CTNNA3: variants seen among roughly 807,000 people sequenced by gnomAD.
The protein encoded by CTNNA3 is catenin alpha-3.
CTNNA3 carries 76 observed loss-of-function variants against 95.7 expected under a neutral mutation model. The ratio of observed to expected loss-of-function variants is 0.79; its 90% CI spans 0.66 to 0.96. CTNNA3 has a LOEUF of 0.96. CTNNA3 is among the 40% of genes least tolerant of loss of function. The pLI is 0.00. For synonymous variants in CTNNA3, 431 were observed against 374.4 expected, an observed-to-expected ratio of 1.15 and a Z score of -1.74; for missense variants, 1,191 against 1,089.8, an observed-to-expected ratio of 1.09 and a Z score of -1.31.
chr10:66,471,801 G>A (rs142405518), intron 11 of CTNNA3, among the ~76,000 whole-genome samples: 6 of 150,988 alleles, frequency 4.0e-5, no homozygotes, highest in Non-Finnish European at 7.4e-5. Flanking sequence ...TAAATAAAAC[G>A]CTTTCCCATG....
chr10:67,277,659 T>C (rs1447229900), intron 5 of CTNNA3, among the ~76,000 whole-genome samples: 1 of 151,816 alleles, frequency 6.6e-6, no homozygotes, highest in Non-Finnish European at 1.5e-5. Context: ...ATAAAACAGA[T>C]TGGGGTAAAG....
At chr10:66,771,345 T>G (rs898359183) in intron 8 of CTNNA3, among the ~76,000 whole-genome samples, 1 of 152,226 alleles carries the variant, frequency 6.6e-6, no homozygotes, top group Non-Finnish European at 1.5e-5. Context: ...CTTAAATTTT[T>G]TTATAAAGTA....
At chr10:67,591,907 G>GAGAC (rs111543581) in intron 3 of CTNNA3, among the ~76,000 whole-genome samples, 34,447 of 151,780 alleles carry the variant, frequency 0.23, 7,201 homozygotes, top group African/African-American at 0.56. Context: ...ACAGCAACAG[G>GAGAC]AGACAAATTC....
intron 6 of CTNNA3, 107 bp from the exon 7 acceptor site, chr10:67,180,627 G>A (rs1862491948): frequency 1.1e-6 from 1 of 882,154 alleles, no homozygotes; most frequent in African/African-American, 1.7e-5. Context: ...TGATAATAAA[G>A]AGAACTGTGT....
intron 12 of CTNNA3, among the ~76,000 whole-genome samples, chr10:66,333,409 A>G (rs1355368523): frequency 6.6e-6 from 1 of 151,680 alleles, no homozygotes; most frequent in Admixed American, 6.6e-5. Flanking sequence ...AATGTGTCCC[A>G]GAGATTCTGG....
chr10:66,363,066 C>T (rs1281674831), intron 12 of CTNNA3, among the ~76,000 whole-genome samples: 1 of 152,156 alleles, frequency 6.6e-6, no homozygotes, highest in Admixed American at 6.5e-5. Flanking sequence ...CCATTGTATT[C>T]CTTAAGCATG....
chr10:65,940,911 C>T (rs73306012), intron 17 of CTNNA3, among the ~76,000 whole-genome samples: 3,221 of 152,180 alleles, frequency 0.021, 114 homozygotes, highest in African/African-American at 0.074. Context: ...ATCCAGAATG[C>T]CACAATAATA....
At chr10:66,572,022 G>T (rs917739928) in intron 10 of CTNNA3, among the ~76,000 whole-genome samples, 2 of 151,934 alleles carry the variant, frequency 1.3e-5, no homozygotes, top group South Asian at 2.1e-4. Context: ...TGCCTCCAGA[G>T]ATTCCAAAAC....
intron 13 of CTNNA3, among the ~76,000 whole-genome samples, chr10:66,247,463 T>C (rs2132058549): frequency 6.6e-6 from 1 of 152,250 alleles, no homozygotes; most frequent in African/African-American, 2.4e-5. Flanking sequence ...ACTTCCAAAA[T>C]CTACGATATC....
intron 1 of CTNNA3, among the ~76,000 whole-genome samples, chr10:67,692,106 G>T (rs1414378631): frequency 6.6e-6 from 1 of 150,568 alleles, no homozygotes; most frequent in Non-Finnish European, 1.5e-5. Flanking sequence ...TGCCCCCTCC[G>T]GGAGGGAGGT....
chr10:67,085,789 A>G (rs935373984), intron 7 of CTNNA3, among the ~76,000 whole-genome samples: 4 of 152,034 alleles, frequency 2.6e-5, no homozygotes, highest in African/African-American at 9.7e-5. Context: ...CTAATACGCA[A>G]GCCTGCACAA....
chr10:65,933,543 A>G (rs925056475), intron 17 of CTNNA3, among the ~76,000 whole-genome samples: 1 of 152,212 alleles, frequency 6.6e-6, no homozygotes, highest in South Asian at 2.1e-4. Flanking sequence ...GCATCATAGC[A>G]AAAAAACGAA....
chr10:66,401,110 C>T (rs545572703), intron 11 of CTNNA3, among the ~76,000 whole-genome samples: 18 of 152,226 alleles, frequency 1.2e-4, no homozygotes, highest in South Asian at 6.2e-4. Flanking sequence ...GTTGTTTTGG[C>T]TTTGCTGCTT....
At chr10:67,035,527 T>C (rs2133124909) in intron 7 of CTNNA3, among the ~76,000 whole-genome samples, 1 of 152,348 alleles carries the variant, frequency 6.6e-6, no homozygotes, top group South Asian at 2.1e-4. Flanking sequence ...ACTTGTTTTT[T>C]AATGTGAATC....
At chr10:65,979,678 A>G (rs915756746) in intron 16 of CTNNA3, among the ~76,000 whole-genome samples, 3 of 152,122 alleles carry the variant, frequency 2.0e-5, no homozygotes, top group Non-Finnish European at 4.4e-5. Flanking sequence ...GTAACTATAC[A>G]TGAAGTGAAC....
chr10:67,139,628 G>T (rs1488498527), intron 7 of CTNNA3, among the ~76,000 whole-genome samples: 1 of 149,068 alleles, frequency 6.7e-6, no homozygotes, highest in Non-Finnish European at 1.5e-5. Context: ...AACCTGGCTG[G>T]TCTCGAACTC....
chr10:66,895,068 A>AAG (rs1845426602), intron 7 of CTNNA3, among the ~76,000 whole-genome samples: 1 of 150,298 alleles, frequency 6.7e-6, no homozygotes. Context: ...AAAAAAAAAA[A>AAG]AAAAGAAAGT....
At chr10:67,330,861 A>G (rs181790440) in intron 5 of CTNNA3, among the ~76,000 whole-genome samples, 1 of 152,308 alleles carries the variant, frequency 6.6e-6, no homozygotes, top group Admixed American at 6.5e-5. Context: ...AAAAGCAATT[A>G]CGGCAATTTG....
At chr10:66,480,674 G>A (rs923439730) in intron 11 of CTNNA3, among the ~76,000 whole-genome samples, 2 of 151,854 alleles carry the variant, frequency 1.3e-5, no homozygotes, top group African/African-American at 2.4e-5. Context: ...GCGCAATCTC[G>A]GCTCACTGCA....
Sources: gnomAD v4.1 joint callset for allele counts (sites outside exome capture counted in the v4.1 genomes callset) on GRCh38, gnomAD v4.1.1 for gene constraint, MANE v1.5 for transcripts, NCBI Gene and HGNC (gene_info 2026-07-23, HGNC 2026-07-21) for gene names.